The following SNX2 variants were observed in gnomAD, a reference collection of about 807,000 sequenced individuals.
SNX2 encodes sorting nexin 2.
SNX2 carries 25 observed loss-of-function variants against 69.9 expected under a neutral mutation model. The ratio of observed to expected loss-of-function variants is 0.36; its 90% CI spans 0.26 to 0.50. SNX2 has a LOEUF of 0.50. Among genes scored for constraint, SNX2 ranks in the 20% least tolerant of loss-of-function variants. The probability of loss-of-function intolerance (pLI) is 0.97; values close to 1 mark genes in which losing one functional copy is unlikely to be tolerated. For synonymous variants in SNX2, 229 were observed against 200.4 expected (o/e 1.14, Z -1.20); for missense variants, 551 against 613.3 (o/e 0.90, Z 1.07).
intron 1 of SNX2, among the ~76,000 whole-genome samples, chr5:122,781,680 A>G (rs1752982976): frequency 6.6e-6 from 1 of 152,274 alleles, no homozygotes; most frequent in East Asian, 1.9e-4. Context: ...GTTATTATCA[A>G]TTTTAATTTT....
rs1236731954 is a variant in SNX2, at chr5:122,799,797, C to T, written c.332C>T (p.Pro111Leu). ...GTCACTCCTACTACACTCATTGCTC[C>T]TAGAATTGAATCAAAGAGTATGTCT... ...TPVTPTTLIA[P>L]RIESKSMSAP... is the part of the protein sequence containing the mutation. Residue 111 changes from proline (P) to leucine (L), a missense_variant, in exon 3 of 15, where the codon CCT (proline) becomes CTT (leucine). Around this residue, in one of 2 missense-constraint regions of SNX2, gnomAD observed 191 missense variants for 162.9 expected, o/e 1.17. Coordinates refer to ENST00000379516, the MANE Select transcript of SNX2 (RefSeq NM_003100.4). 6.2e-7 allele frequency: 1 copy of T among 1,613,424 alleles called. No homozygotes were observed. Among genetic ancestry groups the T allele is most frequent in the Non-Finnish European group, 8.5e-7 (1 of 1,179,626 alleles).
intron 3 of SNX2, among the ~76,000 whole-genome samples, chr5:122,800,511 A>T (rs1753482071): frequency 6.6e-6 from 1 of 152,232 alleles, no homozygotes. Flanking sequence ...CTTTAAAAAC[A>T]GATAAAAGTA....
At chr5:122,780,513 T>C (rs1166208566) in intron 1 of SNX2, among the ~76,000 whole-genome samples, 3 of 152,080 alleles carry the variant, frequency 2.0e-5, no homozygotes, top group African/African-American at 4.8e-5. Context: ...AAGTTTAGTA[T>C]CTGCTGTTCT....
intron 1 of SNX2, among the ~76,000 whole-genome samples, chr5:122,777,318 A>G (rs1483222812): frequency 6.6e-6 from 1 of 152,226 alleles, no homozygotes; most frequent in East Asian, 1.9e-4. Flanking sequence ...AGGACTGGGT[A>G]GAACCCAGTA....
chr5:122,789,560 T>A (rs1437549629), intron 1 of SNX2, among the ~76,000 whole-genome samples: 2 of 152,144 alleles, frequency 1.3e-5, no homozygotes, highest in Admixed American at 6.6e-5. Flanking sequence ...ACCCGTGCTG[T>A]AGCTCCTGTA....
rs377318503 is a variant in SNX2, at chr5:122,799,711, T to C, written c.246T>C (p.Ser82=). 2.5e-6 allele frequency: 4 copies of C among 1,612,432 alleles called. No individual in the cohort carries two copies. Among genetic ancestry groups the C allele is most frequent in the African/African-American group, 2.7e-5 (2 of 74,890 alleles). The change falls in exon 3 of 15, where the codon TCT becomes TCC. Residue 82 remains serine (S), a synonymous_variant. Coordinates refer to ENST00000379516, the MANE Select transcript of SNX2 (RefSeq NM_003100.4). ...DLFAEATEEV[S]LDSPEREPIL... is the part of the protein sequence containing the mutation. ...GTCTAGAAGCCACAGAAGAAGTTTC[T>C]TTGGACAGCCCTGAAAGGGAACCTA... is the stretch of plus-strand genomic sequence containing the variant.
chr5:122,817,480 A>T (rs1399187844), intron 10 of SNX2, 107 bp downstream of exon 10: 26 of 733,020 alleles, frequency 3.5e-5, no homozygotes, highest in Non-Finnish European at 5.0e-5. Context: ...GAAGAGAGAA[A>T]ACAATCATTT....
chr5:122,791,658 C>G (rs1475258578), intron 1 of SNX2, among the ~76,000 whole-genome samples: 1 of 151,758 alleles, frequency 6.6e-6, no homozygotes, highest in Admixed American at 6.6e-5. Context: ...CTCAGGTGAT[C>G]TGCCTGCCTT....
rs570008844 is a variant in SNX2, at chr5:122,827,499, C to A, written c.1437+40C>A. ...TTTGCATTTATCTTAACAACATGGT[C>A]ACATTTTGCTGCAATTTTGTGGTAA... On this transcript the variant is annotated intron_variant, in intron 13 of 14. Transcript: ENST00000379516. 5.0e-6 allele frequency: 8 copies of A among 1,601,650 alleles called. No individual in the cohort carries two copies. The African/African-American group carries it at 5.4e-5, about 11-fold the overall frequency.
intron 12 of SNX2, chr5:122,826,777 C>A: frequency 7.5e-6 from 2 of 266,260 alleles, no homozygotes; most frequent in Non-Finnish European, 1.2e-5. Context: ...TTAGTTGTTT[C>A]ATTGTTCACT....
chr5:122,806,142 G>GCACACACACA (rs139834252), intron 6 of SNX2, among the ~76,000 whole-genome samples: 5 of 130,646 alleles, frequency 3.8e-5, no homozygotes, highest in African/African-American at 1.4e-4. Flanking sequence ...ACACGCGCGC[G>GCACACACACA]CACACACACA....
chr5:122,777,842 A>T (rs570078546), intron 1 of SNX2, among the ~76,000 whole-genome samples: 1 of 152,344 alleles, frequency 6.6e-6, no homozygotes, highest in East Asian at 1.9e-4. Context: ...GTGTTGGAAC[A>T]TTCAAAATCT....
At chr5:122,822,867 T>TA (rs986308732) in intron 11 of SNX2, among the ~76,000 whole-genome samples, 1 of 152,150 alleles carries the variant, frequency 6.6e-6, no homozygotes, top group Non-Finnish European at 1.5e-5. Context: ...TAAAACATAC[T>TA]AAAAAAATGT....
intron 1 of SNX2, among the ~76,000 whole-genome samples, chr5:122,781,325 A>G (rs1175245184): frequency 1.3e-5 from 2 of 152,200 alleles, no homozygotes; most frequent in Non-Finnish European, 2.9e-5. Context: ...AGAGTCATTA[A>G]GTTTGTTCTA....
chr5:122,783,017 A>G (rs190417178), intron 1 of SNX2, among the ~76,000 whole-genome samples: 11 of 145,608 alleles, frequency 7.6e-5, no homozygotes, highest in African/African-American at 2.5e-4. Flanking sequence ...GCTCACTGCA[A>G]CCTCCACCTC....
chr5:122,788,016 T>G (rs1581625786), intron 1 of SNX2, among the ~76,000 whole-genome samples: 1 of 152,366 alleles, frequency 6.6e-6, no homozygotes, highest in East Asian at 1.9e-4. Context: ...AGGTTTGCTC[T>G]TGTAATTTTT....
Position 122,829,775 on chromosome 5 carries a change from TACACACACACACACACACACACAC to T in SNX2, c.*140_*163del. 1.9e-6 allele frequency: 1 copy of T among 524,798 alleles called. No homozygotes were observed. Among genetic ancestry groups the T allele is most frequent in the Non-Finnish European group, 3.6e-6 (1 of 279,398 alleles). 32.5% of individuals were successfully genotyped at this position (524,798 alleles called of 1,614,324 possible). A position where few individuals can be genotyped will look rare whatever the true frequency, so the allele number is the denominator to read the frequency against. On this transcript the variant is annotated 3_prime_UTR_variant, in exon 15 of 15. Coordinates refer to ENST00000379516, the MANE Select transcript of SNX2 (RefSeq NM_003100.4). ...TTTATGAATTACATGTGGTTTTATA[TACACACACACACACACACACACAC>T]ACACACACACACTCTGACATTTTAT...
intron 6 of SNX2, 75 bp from the exon 7 acceptor site, chr5:122,808,202 A>G (rs1753695866): frequency 1.1e-6 from 1 of 944,252 alleles, no homozygotes. Flanking sequence ...TGTATTTTAA[A>G]TTATGAAGAA....
chr5:122,784,661 T>C (rs1474808209), intron 1 of SNX2, among the ~76,000 whole-genome samples: 3 of 152,174 alleles, frequency 2.0e-5, no homozygotes, highest in Admixed American at 6.5e-5. Context: ...AGATTTTGTT[T>C]AGGCTTTTGT....
Sources: gnomAD v4.1 joint callset for allele counts (sites outside exome capture counted in the v4.1 genomes callset) on GRCh38, gnomAD v4.1.1 for gene constraint, gnomAD v4.1.1 regional missense constraint, MANE v1.5 for transcripts, NCBI Gene and HGNC (gene_info 2026-07-23, HGNC 2026-07-21) for gene names.